SPTSSA: variants seen among roughly 807,000 people sequenced by gnomAD.
The protein encoded by SPTSSA is small subunit of serine palmitoyltransferase A.
SPTSSA carries 8 observed loss-of-function variants against 9.1 expected under a neutral mutation model. That is an observed-to-expected ratio of 0.88 (90% CI 0.51 to 1.58). The LOEUF is 1.58. SPTSSA is among the 40% of genes most tolerant of loss of function. SPTSSA has a pLI of 0.00. For synonymous variants in SPTSSA, 42 were observed against 37.7 expected, an observed-to-expected ratio of 1.11 and a Z score of -0.41; for missense variants, 100 against 93.8, an observed-to-expected ratio of 1.07 and a Z score of -0.27.
chr14:34,443,196 GGGGTGTGTGTGTGTGTGT>G (rs1348026863), intron 1 of SPTSSA, among the ~76,000 whole-genome samples: 3 of 16,796 alleles, frequency 1.8e-4, no homozygotes, highest in Non-Finnish European at 3.0e-4. Context: ...TTTCCTCTAG[GGGGTGTGTGTGTGTGTGT>G]GTGTGTGTGT....
chr14:34,460,154 T>A (rs148927543), intron 1 of SPTSSA, among the ~76,000 whole-genome samples: 6 of 152,338 alleles, frequency 3.9e-5, no homozygotes, highest in Non-Finnish European at 4.4e-5. Context: ...TAGTTTTAAA[T>A]GATTCTAGAA....
chr14:34,438,641 A>G (rs1358475079), intron 1 of SPTSSA, among the ~76,000 whole-genome samples: 2 of 152,094 alleles, frequency 1.3e-5, no homozygotes, highest in Non-Finnish European at 2.9e-5. Flanking sequence ...TAACACAACT[A>G]TTTGCCAAGT....
rs17102529 is a variant in SPTSSA, at chr14:34,436,359, T to C, written c.113-1055A>G. Among the ~76,000 whole-genome samples the C allele has an allele frequency of 4.6e-3, 708 of 152,318 alleles. 10 individuals carry two copies. The highest frequency in any genetic ancestry group is 0.014 in the African/African-American group (580 of 41,578). Reference sequence around the variant, plus strand: ...CACAAAATACTGCTAGCAAAAATTATGTCAAATCTAAGGGCTTTTGGCTTT... The same window carrying C: ...CACAAAATACTGCTAGCAAAAATTACGTCAAATCTAAGGGCTTTTGGCTTT... On this transcript the variant is annotated intron_variant, in intron 1 of 1. Coordinates refer to ENST00000298130, the MANE Select transcript of SPTSSA (RefSeq NM_138288.4).
chr14:34,452,054 C>T (rs567193370), intron 1 of SPTSSA, among the ~76,000 whole-genome samples: 2 of 151,760 alleles, frequency 1.3e-5, no homozygotes, highest in African/African-American at 2.4e-5. Context: ...TTTGGGAGGC[C>T]GGGGCGGGCA....
In SPTSSA at chr14:34,435,287, T is replaced by C. The variant is rs746164157; in HGVS notation, c.130A>G (p.Ile44Val). The C allele has an allele frequency of 1.9e-6, 3 of 1,612,248 alleles. No individual in the cohort carries two copies. In the South Asian group the frequency reaches 3.3e-5, roughly 18 times the overall value. Residue 44 changes from isoleucine to valine, a missense_variant, in exon 2 of 2, where the codon ATT becomes GTT. Coordinates refer to ENST00000298130, the MANE Select transcript of SPTSSA (RefSeq NM_138288.4). Reference sequence around the variant, plus strand: ...CCTGTGTATAGTGCCATCCCCACAATGGAAACCAGCATGGAATCTGAGTTG... The same window carrying C: ...CCTGTGTATAGTGCCATCCCCACAACGGAAACCAGCATGGAATCTGAGTTG... Reference protein sequence around the residue: ...RTVFNSMLVSIVGMALYTGYV... With the variant: ...RTVFNSMLVSVVGMALYTGYV...
chr14:34,454,241 T>A (rs557089369), intron 1 of SPTSSA, among the ~76,000 whole-genome samples: 3 of 152,136 alleles, frequency 2.0e-5, no homozygotes, highest in Non-Finnish European at 4.4e-5. Context: ...ACAACACTCA[T>A]AGTCTGGAGG....
At chr14:34,454,795 T>G (rs1332126809) in intron 1 of SPTSSA, among the ~76,000 whole-genome samples, 1 of 152,178 alleles carries the variant, frequency 6.6e-6, no homozygotes, top group Non-Finnish European at 1.5e-5. Flanking sequence ...CTTACAATTG[T>G]TCATTTCCCA....
rs546507259 is a variant in SPTSSA, at chr14:34,441,443, A to G, written c.113-6139T>C. Among the ~76,000 whole-genome samples, 87 of 152,306 alleles carry G rather than the reference A, an allele frequency of 5.7e-4. 1 individual carries two copies. Among genetic ancestry groups the G allele is most frequent in the African/African-American group, 1.9e-3 (81 of 41,576 alleles). ...AGCCCCTATGCTCAAGCCTACTCCT[A>G]AATTGTGGAGTGTACTTTCATTTTC... On this transcript the variant is annotated intron_variant, in intron 1 of 1. Transcript: ENST00000298130.
At chr14:34,457,149 T>C (rs1310256479) in intron 1 of SPTSSA, among the ~76,000 whole-genome samples, 1 of 151,822 alleles carries the variant, frequency 6.6e-6, no homozygotes, top group Non-Finnish European at 1.5e-5. Context: ...CCACTAATTT[T>C]TTATTTTTAG....
intron 1 of SPTSSA, among the ~76,000 whole-genome samples, chr14:34,440,294 A>G (rs781122175): frequency 6.6e-6 from 1 of 152,236 alleles, no homozygotes; most frequent in African/African-American, 2.4e-5. Context: ...TGACTACAGA[A>G]AAGACAAAAA....
chr14:34,448,520 A>T (rs1883464474), intron 1 of SPTSSA, among the ~76,000 whole-genome samples: 1 of 152,140 alleles, frequency 6.6e-6, no homozygotes, highest in Admixed American at 6.5e-5. Flanking sequence ...GGTGTAGGCC[A>T]AGTAAATGAC....
intron 1 of SPTSSA, among the ~76,000 whole-genome samples, chr14:34,455,445 T>C (rs1266788178): frequency 6.6e-6 from 1 of 151,994 alleles, no homozygotes; most frequent in Non-Finnish European, 1.5e-5. Flanking sequence ...TCAGGAGAGA[T>C]GCATAGGAAA....
intron 1 of SPTSSA, among the ~76,000 whole-genome samples, chr14:34,454,749 A>G (rs576922143): frequency 6.6e-6 from 1 of 152,270 alleles, no homozygotes; most frequent in East Asian, 1.9e-4. Flanking sequence ...ATCCTCCCTT[A>G]TAAATGTATT....
chr14:34,436,497 C>A (rs1187774736), intron 1 of SPTSSA, among the ~76,000 whole-genome samples: 1 of 152,006 alleles, frequency 6.6e-6, no homozygotes, highest in Non-Finnish European at 1.5e-5. Flanking sequence ...CTTGCCTTTC[C>A]CCTTTCTCAA....
intron 1 of SPTSSA, among the ~76,000 whole-genome samples, chr14:34,457,973 A>T (rs1878518957): frequency 1.1e-5 from 1 of 88,806 alleles, no homozygotes; most frequent in African/African-American, 6.7e-5. Flanking sequence ...CTGTCTCGGA[A>T]AAAAAAAAAA....
intron 1 of SPTSSA, among the ~76,000 whole-genome samples, chr14:34,441,362 A>G (rs936005312): frequency 6.6e-6 from 1 of 152,216 alleles, no homozygotes. Context: ...CCAAGGAACC[A>G]ATGGAATCCT....
At chr14:34,458,104 A>G (rs2138836177) in intron 1 of SPTSSA, among the ~76,000 whole-genome samples, 1 of 152,254 alleles carries the variant, frequency 6.6e-6, no homozygotes, top group Middle Eastern at 3.4e-3. Context: ...GTCTGACTTG[A>G]CCCAATAGAT....
At chr14:34,435,347 A>G in intron 1 of SPTSSA, 43 bp from the exon 2 acceptor site, 3 of 1,415,604 alleles carry the variant, frequency 2.1e-6, no homozygotes, top group Non-Finnish European at 3.0e-6. Flanking sequence ...AATTTATTCA[A>G]AACTAAATCT....
intron 1 of SPTSSA, among the ~76,000 whole-genome samples, chr14:34,455,566 A>C (rs1216828889): frequency 6.6e-6 from 1 of 152,098 alleles, no homozygotes; most frequent in African/African-American, 2.4e-5. Context: ...TGTATAATCT[A>C]TTTTATTTAC....
Sources: allele counts gnomAD v4.1 joint callset (sites outside exome capture counted in the v4.1 genomes callset), GRCh38; gene constraint gnomAD v4.1.1; transcripts MANE v1.5; gene names NCBI Gene and HGNC (gene_info 2026-07-23, HGNC 2026-07-21).